Variants in NRXN3 observed in about 807,000 individuals in gnomAD.
The protein encoded by NRXN3 is neurexin 3, also known as neurexin III.
In NRXN3, 32 loss-of-function variants were observed where a neutral mutation model predicts 137.6. That is an observed-to-expected ratio of 0.23 (90% CI 0.18 to 0.31). The LOEUF is 0.31. Among genes scored for constraint, NRXN3 ranks in the 10% least tolerant of loss-of-function variants. The probability of loss-of-function intolerance (pLI) is 1.00; values close to 1 mark genes in which losing one functional copy is unlikely to be tolerated. For missense variants in NRXN3, 1,574 were observed against 2,062.5 expected (o/e 0.76, Z 4.59); for synonymous variants, 798 against 784.5 (o/e 1.02, Z -0.29).
intron 4 of NRXN3, among the ~76,000 whole-genome samples, chr14:78,354,392 C>T (rs2083972734): frequency 6.6e-6 from 1 of 152,170 alleles, no homozygotes; most frequent in African/African-American, 2.4e-5. Flanking sequence ...AAATTCAGAG[C>T]AGACATTTGC....
At position 78,463,849 on chromosome 14, in the gene NRXN3, G is replaced by A. The variant is rs571549613; in HGVS notation, c.757+165989G>A. ...CATTTACTTAGAACAAAGGGACACT[G>A]GCCTCCTCCAGCCAGCCACATATTA... On this transcript the variant is annotated intron_variant, in intron 4 of 20. Coordinates refer to ENST00000335750, the MANE Select transcript of NRXN3 (RefSeq NM_001330195.2). Among the ~76,000 whole-genome samples the A allele has an allele frequency of 2.7e-5, 4 of 150,904 alleles. No individual in the cohort carries two copies. The East Asian group carries it at 7.8e-4, about 29-fold the overall frequency.
chr14:79,115,612 A>G (rs1023255382), intron 15 of NRXN3, among the ~76,000 whole-genome samples: 1 of 152,198 alleles, frequency 6.6e-6, no homozygotes, highest in Non-Finnish European at 1.5e-5. Context: ...TTGATTGGCC[A>G]GGGAGAAATG....
chr14:79,604,717 T>G (rs74638145), intron 16 of NRXN3, among the ~76,000 whole-genome samples: 46 of 152,232 alleles, frequency 3.0e-4, no homozygotes, highest in Middle Eastern at 3.4e-3. Flanking sequence ...CAGAAGCTCT[T>G]TCTTCATTTT....
chr14:78,304,322 TATGCCTCAG>T, intron 4 of NRXN3, among the ~76,000 whole-genome samples: 1 of 152,366 alleles, frequency 6.6e-6, no homozygotes, highest in East Asian at 1.9e-4. Context: ...AAAGAAGGAC[TATGCCTCAG>T]ATGTTGTCAT....
chr14:79,234,226 T>A (rs1453094871), intron 15 of NRXN3, among the ~76,000 whole-genome samples: 2 of 143,610 alleles, frequency 1.4e-5, no homozygotes, highest in African/African-American at 5.2e-5. Context: ...CCAAAATACA[T>A]TCCCTTAAAT....
intron 4 of NRXN3, among the ~76,000 whole-genome samples, chr14:78,397,133 C>T (rs2091541397): frequency 6.6e-6 from 1 of 152,198 alleles, no homozygotes; most frequent in African/African-American, 2.4e-5. Flanking sequence ...CATGTGCCAT[C>T]ATGTGGATTT....
chr14:78,882,530 T>A (rs1341282258), intron 10 of NRXN3, among the ~76,000 whole-genome samples: 1 of 151,790 alleles, frequency 6.6e-6, no homozygotes, highest in African/African-American at 2.4e-5. Context: ...AACTTTAAGG[T>A]TTAATGACTG....
chr14:79,257,577 GTGATGGTAATGA>G (rs2076945709), intron 15 of NRXN3, among the ~76,000 whole-genome samples: 3 of 124,750 alleles, frequency 2.4e-5, no homozygotes, highest in African/African-American at 6.5e-5. Flanking sequence ...GGTGGTGGTG[GTGATGGTAATGA>G]TGGTGGTGGT....
At chr14:79,502,766 G>A (rs1178191544) in intron 16 of NRXN3, among the ~76,000 whole-genome samples, 1 of 151,972 alleles carries the variant, frequency 6.6e-6, no homozygotes, top group Non-Finnish European at 1.5e-5. Context: ...ATAGCATGCT[G>A]GTTCTCAGAC....
chr14:79,080,206 C>T (rs982086554), intron 15 of NRXN3, among the ~76,000 whole-genome samples: 10 of 152,092 alleles, frequency 6.6e-5, no homozygotes, highest in African/African-American at 2.4e-4. Context: ...TGAAACTGGC[C>T]ACTTTAAGGC....
chr14:79,806,912 C>T (rs895155852), intron 20 of NRXN3, among the ~76,000 whole-genome samples: 3 of 127,328 alleles, frequency 2.4e-5, no homozygotes, highest in Admixed American at 1.7e-4. Context: ...TTGTGGCAAA[C>T]CCTTTAAGAA....
intron 15 of NRXN3, among the ~76,000 whole-genome samples, chr14:79,344,483 TAAAGA>T: frequency 6.6e-6 from 1 of 152,322 alleles, no homozygotes; most frequent in Non-Finnish European, 1.5e-5. Context: ...CTTAATCGAT[TAAAGA>T]TACTGCCAAA....
chr14:78,830,163 T>C (rs2098977823), intron 10 of NRXN3, among the ~76,000 whole-genome samples: 2 of 152,124 alleles, frequency 1.3e-5, no homozygotes, highest in African/African-American at 4.8e-5. Context: ...GTTATCTCCA[T>C]CCCAATAAAT....
intron 15 of NRXN3, among the ~76,000 whole-genome samples, chr14:79,137,274 A>G (rs2058337221): frequency 6.6e-6 from 1 of 152,150 alleles, no homozygotes; most frequent in Non-Finnish European, 1.5e-5. Flanking sequence ...GTGACAGGAG[A>G]GTGTTCTGTT....
intron 19 of NRXN3, among the ~76,000 whole-genome samples, chr14:79,796,871 T>TA (rs1326409668): frequency 1.3e-5 from 2 of 152,214 alleles, no homozygotes; most frequent in African/African-American, 4.8e-5. Flanking sequence ...TGACAATGAA[T>TA]AATTACTGTT....
chr14:79,237,008 T>G (rs1368066795), intron 15 of NRXN3, among the ~76,000 whole-genome samples: 2 of 152,082 alleles, frequency 1.3e-5, no homozygotes, highest in African/African-American at 4.8e-5. Flanking sequence ...GTTAAAAAAA[T>G]TCACTGCTTG....
intron 4 of NRXN3, among the ~76,000 whole-genome samples, chr14:78,415,773 T>A (rs1486277869): frequency 6.6e-6 from 1 of 152,066 alleles, no homozygotes; most frequent in Non-Finnish European, 1.5e-5. Context: ...GGAGCACTTA[T>A]GATGAAATTA....
chr14:78,747,231 G>C (rs544372822), intron 8 of NRXN3, among the ~76,000 whole-genome samples: 1 of 152,254 alleles, frequency 6.6e-6, no homozygotes, highest in East Asian at 1.9e-4. Context: ...AATCCTATGC[G>C]GATGTAGGTC....
chr14:79,666,580 C>T (rs960320879), intron 17 of NRXN3, among the ~76,000 whole-genome samples: 1 of 151,942 alleles, frequency 6.6e-6, no homozygotes, highest in Admixed American at 6.6e-5. Context: ...GAAGGAAGAC[C>T]TAGGACAAGA....
Sources: allele counts gnomAD v4.1 joint callset (sites outside exome capture counted in the v4.1 genomes callset), GRCh38; gene constraint gnomAD v4.1.1; transcripts MANE v1.5; gene names NCBI Gene and HGNC (gene_info 2026-07-23, HGNC 2026-07-21).